UBR2: variants seen among roughly 807,000 people sequenced by gnomAD.
UBR2 encodes the protein ubiquitin protein ligase E3 component n-recognin 2, also known as E3 ubiquitin-protein ligase UBR2.
A neutral mutation model predicts 247.9 loss-of-function variants in UBR2; 92 were observed. That is an observed-to-expected ratio of 0.37 (90% confidence interval 0.31 to 0.44). The LOEUF (loss-of-function observed/expected upper bound fraction) is 0.44, where lower values mean the gene tolerates loss of function less well. Ranked by LOEUF, UBR2 falls within the 20% of genes least tolerant of loss-of-function variation. UBR2 has a pLI of 1.00. For synonymous variants in UBR2, 672 were observed against 693.5 expected (o/e 0.97, Z 0.49); for missense variants, 1,613 against 2,112.6 (o/e 0.76, Z 4.64).
At chr6:42,618,869 C>T (rs1044816189) in intron 11 of UBR2, among the ~76,000 whole-genome samples, 2 of 152,150 alleles carry the variant, frequency 1.3e-5, no homozygotes, top group Non-Finnish European at 2.9e-5. Context: ...AACTGGATGT[C>T]GGGTTTGAAG....
chr6:42,679,668 A>T lies in UBR2; in HGVS notation c.4610-56A>T. ...TAAACTCTGCTATTGCTTAACTCTC[A>T]TGCAGAATATGCCCTTAGTTGTTAT... is the stretch of plus-strand genomic sequence containing the variant. On this transcript the variant is annotated intron_variant, in intron 41 of 46. Transcript: ENST00000372901. The T allele has an allele frequency of 1.1e-5, 14 of 1,283,782 alleles. No homozygotes were observed. The South Asian group carries it at 1.6e-4, about 15-fold the overall frequency. The allele number at this position is 1,283,782 out of a possible 1,614,324, so 79.5% of individuals were successfully genotyped here.
chr6:42,598,496 C>A (rs889957121), intron 4 of UBR2, among the ~76,000 whole-genome samples: 1 of 152,126 alleles, frequency 6.6e-6, no homozygotes, highest in South Asian at 2.1e-4. Context: ...GTTCCCACTC[C>A]CTAGATGTCA....
intron 10 of UBR2, chr6:42,617,110 A>C: frequency 4.1e-6 from 3 of 739,510 alleles, no homozygotes; most frequent in South Asian, 1.7e-5. Flanking sequence ...TTCTATTGGT[A>C]GAAATCATTC....
At chr6:42,684,257 C>T (rs999023527) in intron 43 of UBR2, among the ~76,000 whole-genome samples, 9 of 152,132 alleles carry the variant, frequency 5.9e-5, no homozygotes, top group African/African-American at 2.2e-4. Context: ...CCTCAAAATT[C>T]CCCCAAGTGA....
intron 11 of UBR2, among the ~76,000 whole-genome samples, chr6:42,631,393 G>A (rs1474771978): frequency 6.6e-6 from 1 of 152,154 alleles, no homozygotes; most frequent in East Asian, 1.9e-4. Flanking sequence ...TGGAGGGCAT[G>A]AGAGGGCATG....
intron 11 of UBR2, among the ~76,000 whole-genome samples, chr6:42,623,745 C>T (rs919681488): frequency 3.3e-5 from 5 of 152,032 alleles, no homozygotes; most frequent in East Asian, 1.9e-4. Context: ...CCACTGCACC[C>T]GGCTGGTTTT....
chr6:42,693,349 T>C lies in UBR2; in HGVS notation c.*2176T>C, dbSNP rs192886970. 1.3e-5 allele frequency: 2 copies of C among 152,364 alleles called. No homozygotes were observed. The highest frequency in any genetic ancestry group is 1.9e-4 in the East Asian group (1 of 5,186). The allele number at this position is 152,364 out of a possible 1,614,324, so 9.4% of individuals were successfully genotyped here. On this transcript the variant is annotated 3_prime_UTR_variant, in exon 47 of 47. Coordinates refer to ENST00000372901, the MANE Select transcript of UBR2 (RefSeq NM_001363705.2). ...GCATGTTTTATGTTTATTGTAGAAATGTTTATATAACATACGCTTTCCATA... is the reference window on the plus strand; with the variant it reads ...GCATGTTTTATGTTTATTGTAGAAACGTTTATATAACATACGCTTTCCATA...
rs1201506623 is a variant in UBR2, at chr6:42,619,446, TATATA to T, written c.1281+1940_1281+1944del. 162 of 42,554 alleles carry T rather than the reference TATATA, an allele frequency of 3.8e-3. 3 individuals are homozygous for T. The highest frequency in any genetic ancestry group is 5.6e-3 in the Non-Finnish European group (122 of 21,598). The allele number at this position is 42,554 out of a possible 1,614,324, so 2.6% of individuals were successfully genotyped here. ...ATATATATATATATATATATATATA[TATATA>T]TATTTTTTTTTTTTAGTTCTCTATC... is the stretch of plus-strand genomic sequence containing the variant. On this transcript the variant is annotated intron_variant, in intron 11 of 46. Coordinates refer to ENST00000372901, the MANE Select transcript of UBR2 (RefSeq NM_001363705.2).
intron 10 of UBR2, 69 bp from the exon 11 acceptor site, chr6:42,617,340 T>C: frequency 1.2e-6 from 2 of 1,614,000 alleles, no homozygotes; most frequent in Non-Finnish European, 1.7e-6. Context: ...CCTACTCTGG[T>C]GAGTAGTGCT....
At chr6:42,596,887 A>G (rs1440331452) in intron 4 of UBR2, among the ~76,000 whole-genome samples, 1 of 152,136 alleles carries the variant, frequency 6.6e-6, no homozygotes. Context: ...AGTGATGGAA[A>G]TGTTTTGGAA....
intron 43 of UBR2, 74 bp downstream of exon 43, chr6:42,683,185 T>C (rs1360792887): frequency 7.9e-7 from 1 of 1,263,586 alleles, no homozygotes; most frequent in African/African-American, 1.5e-5. Context: ...GCTATATTCC[T>C]TCAGAAACTG....
chr6:42,606,266 A>C (rs1406086797), intron 6 of UBR2, among the ~76,000 whole-genome samples: 1 of 152,190 alleles, frequency 6.6e-6, no homozygotes, highest in African/African-American at 2.4e-5. Context: ...ATTTCATTTG[A>C]ATATTGGCCC....
At chr6:42,670,307 C>A (rs1798355528) in intron 35 of UBR2, 67 bp downstream of exon 35, 5 of 1,552,670 alleles carry the variant, frequency 3.2e-6, no homozygotes, top group Non-Finnish European at 4.4e-6. Flanking sequence ...GGCATAGAAT[C>A]TTGTTTTTAA....
At chr6:42,640,641 G>T (rs937916863) in intron 16 of UBR2, among the ~76,000 whole-genome samples, 1 of 152,090 alleles carries the variant, frequency 6.6e-6, no homozygotes, top group Non-Finnish European at 1.5e-5. Flanking sequence ...CATGGGGGAC[G>T]TCAGTCTTTT....
chr6:42,575,598 T>G (rs1045921118), intron 2 of UBR2, among the ~76,000 whole-genome samples: 1 of 152,220 alleles, frequency 6.6e-6, no homozygotes. Flanking sequence ...ACAGACCAGT[T>G]ATTTTGTCAA....
intron 2 of UBR2, among the ~76,000 whole-genome samples, chr6:42,588,141 A>T (rs949117284): frequency 2.0e-5 from 3 of 152,314 alleles, no homozygotes; most frequent in African/African-American, 7.2e-5. Flanking sequence ...CTTCTGATTG[A>T]CTGGCTATAT....
chr6:42,666,497 A>G (rs1798113353), intron 34 of UBR2, among the ~76,000 whole-genome samples: 3 of 152,146 alleles, frequency 2.0e-5, no homozygotes, highest in African/African-American at 4.8e-5. Flanking sequence ...CTCAACAACA[A>G]CAACAAAAAA....
rs1458294229 is a variant in UBR2, at chr6:42,673,862, A to T, written c.4158A>T (p.Gln1386His). The T allele has an allele frequency of 6.2e-7, 1 of 1,613,842 alleles. No homozygotes were observed. Among genetic ancestry groups the T allele is most frequent in the South Asian group, 1.1e-5 (1 of 91,000 alleles). ...CAGTGGCATCAGTTTCAGTGGTGCAAGGACATTTTTGTAAACTTTTTGCAT... is the reference window on the plus strand; with the variant it reads ...CAGTGGCATCAGTTTCAGTGGTGCATGGACATTTTTGTAAACTTTTTGCAT... ...HWTVASVSVV[Q>H]GHFCKLFASL... The change falls in exon 37 of 47, where the codon CAA (glutamine) becomes CAT (histidine). Residue 1386 changes from glutamine to histidine, a missense_variant. Coordinates refer to ENST00000372901, the MANE Select transcript of UBR2 (RefSeq NM_001363705.2).
Position 42,658,659 on chromosome 6 carries a change from A to G in UBR2, c.3077A>G (p.Lys1026Arg). Residue 1026 changes from lysine (K) to arginine (R), a missense_variant, in exon 29 of 47, where the codon AAA becomes AGA. Lys to Arg is a conservative substitution (Grantham distance 26). Transcript: ENST00000372901. ...GTIMEESSRD[K>R]DKAERKRKAE... is the part of the protein sequence containing the mutation. Reference sequence around the variant, plus strand: ...GCATAATTTCAGAGTTCAAGGGACAAAGACAAAGCTGAGAGGAAGAGAAAA... The same window carrying G: ...GCATAATTTCAGAGTTCAAGGGACAGAGACAAAGCTGAGAGGAAGAGAAAA... 1.9e-6 allele frequency: 3 copies of G among 1,609,008 alleles called. 1 individual carries two copies. Among genetic ancestry groups the G allele is most frequent in the East Asian group, 4.5e-5 (2 of 44,764 alleles).
Sources: gnomAD v4.1 joint callset for allele counts (sites outside exome capture counted in the v4.1 genomes callset) on GRCh38, gnomAD v4.1.1 for gene constraint, MANE v1.5 for transcripts, NCBI Gene and HGNC (gene_info 2026-07-23, HGNC 2026-07-21) for gene names.